ASH1L: variants seen among roughly 807,000 people sequenced by gnomAD.
The protein encoded by ASH1L is ASH1 like histone lysine methyltransferase, also known as histone-lysine N-methyltransferase ASH1L.
ASH1L carries 23 observed loss-of-function variants against 269.0 expected under a neutral mutation model. That is an observed-to-expected ratio of 0.09 (90% CI 0.06 to 0.12). The LOEUF (loss-of-function observed/expected upper bound fraction) is 0.12, where lower values mean the gene tolerates loss of function less well. Ranked by LOEUF, ASH1L falls within the 10% of genes least tolerant of loss-of-function variation. ASH1L has a pLI of 1.00. For synonymous variants in ASH1L, 1,187 were observed against 1,253.5 expected (o/e 0.95, Z 1.12); for missense variants, 2,912 against 3,567.8 (o/e 0.82, Z 4.68).
chr1:155,522,594 C>T (rs931034545), intron 1 of ASH1L, among the ~76,000 whole-genome samples: 1 of 152,000 alleles, frequency 6.6e-6, no homozygotes. Context: ...GGTGATACAC[C>T]TAATCTCAGA....
Position 155,349,612 on chromosome 1 carries a change from A to C in ASH1L, c.7367-16T>G. On this transcript the variant is annotated splice_polypyrimidine_tract_variant and intron_variant, in intron 17 of 27. Coordinates refer to ENST00000392403, the MANE Select transcript of ASH1L (RefSeq NM_018489.3). ...CGGGAAGAATCTGCAAAAGAATGTG[A>C]GGTTTAGTAGAAAGATTCCACCATA... 4 of 1,607,978 alleles carry C rather than the reference A, an allele frequency of 2.5e-6. No individual in the cohort carries two copies. The highest frequency in any genetic ancestry group is 4.5e-5 in the East Asian group (2 of 44,486).
At chr1:155,349,868 C>T (rs148456758) in intron 17 of ASH1L, among the ~76,000 whole-genome samples, 2,978 of 149,422 alleles carry the variant, frequency 0.02, 97 homozygotes, top group African/African-American at 0.07. Flanking sequence ...CAGGCGTGTA[C>T]CACCACGCCA....
At chr1:155,507,081 G>A (rs377050234) in intron 2 of ASH1L, among the ~76,000 whole-genome samples, 18 of 152,224 alleles carry the variant, frequency 1.2e-4, no homozygotes, top group African/African-American at 2.9e-4. Flanking sequence ...TCAGGAGTTC[G>A]AAATGAGCCT....
At chr1:155,349,257 A>C in intron 19 of ASH1L, 70 bp downstream of exon 19, 1 of 1,540,758 alleles carries the variant, frequency 6.5e-7, no homozygotes, top group East Asian at 2.3e-5. Flanking sequence ...GAGGGTAAAA[A>C]TCTTAAACTT....
chr1:155,557,043 T>A (rs576156016), intron 1 of ASH1L, among the ~76,000 whole-genome samples: 12 of 152,054 alleles, frequency 7.9e-5, no homozygotes, highest in East Asian at 1.9e-4. Context: ...CTCAAAAAAA[T>A]TTTTTTAATT....
intron 5 of ASH1L, among the ~76,000 whole-genome samples, chr1:155,429,455 G>C (rs972234187): frequency 2.0e-5 from 3 of 152,028 alleles, no homozygotes; most frequent in Non-Finnish European, 4.4e-5. Context: ...TGTATTCTTA[G>C]TAGAGACGAT....
At chr1:155,462,223 G>A (rs1664357279) in intron 3 of ASH1L, among the ~76,000 whole-genome samples, 1 of 152,206 alleles carries the variant, frequency 6.6e-6, no homozygotes, top group African/African-American at 2.4e-5. Context: ...TACAAATGGT[G>A]TAATGGTCTC....
At chr1:155,395,582 C>T in intron 6 of ASH1L, 29 bp from the exon 7 acceptor site, 2 of 1,561,982 alleles carry the variant, frequency 1.3e-6, no homozygotes, top group South Asian at 1.1e-5. Context: ...GGGAAACAGT[C>T]AAGAGGCAAA....
chr1:155,499,330 T>C (rs768873270), intron 2 of ASH1L, among the ~76,000 whole-genome samples: 1 of 152,196 alleles, frequency 6.6e-6, no homozygotes, highest in Non-Finnish European at 1.5e-5. Flanking sequence ...AGGGTCTTTT[T>C]AACACCTCTT....
At chr1:155,345,955 C>A (rs890032346) in intron 21 of ASH1L, 1 of 348,826 alleles carries the variant, frequency 2.9e-6, no homozygotes. Flanking sequence ...CCTCAGCCAC[C>A]CAAGTACCTG....
At chr1:155,433,564 G>A in intron 5 of ASH1L, 1 of 1,611,012 alleles carries the variant, frequency 6.2e-7, no homozygotes. Context: ...AGAAGGAGAA[G>A]CTGGAGCAAA....
intron 12 of ASH1L, among the ~76,000 whole-genome samples, chr1:155,364,218 G>A (rs1571005116): frequency 6.6e-6 from 1 of 152,092 alleles, no homozygotes; most frequent in South Asian, 2.1e-4. Flanking sequence ...AGTCAAGATC[G>A]TCCCACTGTA....
rs574632164 is a variant in ASH1L at position 155,540,453 on chromosome 1, A to G, written c.-99-18835T>C. ...CCCACACTGTTGTGAGCAGAGCAAG[A>G]GCAAATAACCACCACCAAAAAAAAG... On this transcript the variant is annotated intron_variant, in intron 1 of 27. Coordinates refer to ENST00000392403, the MANE Select transcript of ASH1L (RefSeq NM_018489.3). 5.2e-4 allele frequency among the ~76,000 whole-genome samples: 79 copies of G among 152,280 alleles called. 1 individual carries two copies. The highest frequency in any genetic ancestry group is 1.9e-3 in the African/African-American group (78 of 41,564).
At chr1:155,377,654 C>T (rs1179457084) in intron 10 of ASH1L, among the ~76,000 whole-genome samples, 3 of 152,130 alleles carry the variant, frequency 2.0e-5, no homozygotes, top group East Asian at 3.9e-4. Context: ...CATATAATCT[C>T]CACAAACCCT....
intron 10 of ASH1L, among the ~76,000 whole-genome samples, chr1:155,374,941 A>C (rs1656301669): frequency 1.3e-5 from 2 of 152,020 alleles, no homozygotes; most frequent in East Asian, 1.9e-4. Context: ...CAGCCTCCCA[A>C]GTAGCTGGGA....
intron 1 of ASH1L, among the ~76,000 whole-genome samples, chr1:155,546,809 A>G (rs1670857895): frequency 6.6e-6 from 1 of 152,046 alleles, no homozygotes; most frequent in African/African-American, 2.4e-5. Flanking sequence ...CTGTCATTCC[A>G]TGATTTTCAT....
chr1:155,542,001 G>A (rs1670454280), intron 1 of ASH1L, among the ~76,000 whole-genome samples: 1 of 151,992 alleles, frequency 6.6e-6, no homozygotes, highest in Non-Finnish European at 1.5e-5. Context: ...AAATCTTGAT[G>A]GAAAAATTAT....
chr1:155,517,197 A>C (rs1668552410), intron 2 of ASH1L, among the ~76,000 whole-genome samples: 1 of 152,218 alleles, frequency 6.6e-6, no homozygotes, highest in African/African-American at 2.4e-5. Context: ...ACTTCAACTT[A>C]CTACAGGCCA....
rs371702359 is a variant in ASH1L at position 155,378,525 on chromosome 1, T to C, written c.6201A>G (p.Pro2067=). 3 of 1,613,262 alleles carry C rather than the reference T, an allele frequency of 1.9e-6. No individual in the cohort carries two copies. The highest frequency in any genetic ancestry group is 2.5e-6 in the Non-Finnish European group (3 of 1,179,708). The change falls in exon 9 of 28, where the codon CCA becomes CCG. Residue 2067 remains proline, a synonymous_variant. Coordinates refer to ENST00000392403, the MANE Select transcript of ASH1L (RefSeq NM_018489.3). The part of the protein sequence containing the change: ...HNQLYKKPDV[P]LYKKIRSNVY... Reference sequence around the variant, plus strand: ...CACTTGAACGAATTTTCTTATATAGTGGGACATCTGGCTTTTTGTATAGCT... The same window carrying C: ...CACTTGAACGAATTTTCTTATATAGCGGGACATCTGGCTTTTTGTATAGCT...
Sources: allele counts gnomAD v4.1 joint callset (sites outside exome capture counted in the v4.1 genomes callset), GRCh38; gene constraint gnomAD v4.1.1; transcripts MANE v1.5; gene names NCBI Gene and HGNC (gene_info 2026-07-23, HGNC 2026-07-21).